The following PLCB1 variants were observed in gnomAD, a reference collection of about 807,000 sequenced individuals.
PLCB1 encodes the protein 1-phosphatidylinositol 4,5-bisphosphate phosphodiesterase beta-1.
PLCB1 carries 46 observed loss-of-function variants against 161.8 expected under a neutral mutation model. The ratio of observed to expected loss-of-function variants is 0.28; its 90% CI spans 0.22 to 0.36. The LOEUF (loss-of-function observed/expected upper bound fraction) is 0.36, where lower values mean the gene tolerates loss of function less well. Among genes scored for constraint, PLCB1 ranks in the 10% least tolerant of loss-of-function variants. The pLI is 1.00. For synonymous variants in PLCB1, 517 were observed against 503.7 expected, an observed-to-expected ratio of 1.03 and a Z score of -0.35; for missense variants, 1,016 against 1,472.5, an observed-to-expected ratio of 0.69 and a Z score of 5.07.
At chr20:8,632,035 CTTTTTTTTTTTTTTTT>C (rs34028351) in intron 4 of PLCB1, among the ~76,000 whole-genome samples, 12 of 45,996 alleles carry the variant, frequency 2.6e-4, no homozygotes, top group East Asian at 1.5e-3. Context: ...GTTTTTTTTG[CTTTTTTTTTTTTTTTT>C]TTTTTTTTTT....
chr20:8,490,474 A>G (rs1023338234), intron 3 of PLCB1, among the ~76,000 whole-genome samples: 2 of 152,212 alleles, frequency 1.3e-5, no homozygotes, highest in Non-Finnish European at 2.9e-5. Flanking sequence ...ATGAACATTC[A>G]TGTATAGTAA....
At chr20:8,838,704 T>G (rs1986384367) in intron 31 of PLCB1, among the ~76,000 whole-genome samples, 1 of 152,014 alleles carries the variant, frequency 6.6e-6, no homozygotes, top group Non-Finnish European at 1.5e-5. Context: ...CATCAAGAAT[T>G]TCAAAGTCGC....
At chr20:8,865,708 G>C (rs563240323) in intron 31 of PLCB1, among the ~76,000 whole-genome samples, 2 of 152,256 alleles carry the variant, frequency 1.3e-5, no homozygotes, top group Admixed American at 6.5e-5. Flanking sequence ...AAATAGTAGA[G>C]ATTCCCCATA....
chr20:8,227,882 T>A (rs549061587), intron 2 of PLCB1, among the ~76,000 whole-genome samples: 1 of 152,196 alleles, frequency 6.6e-6, no homozygotes, highest in South Asian at 2.1e-4. Flanking sequence ...GAAGCAAGAG[T>A]GACTCCCAGA....
intron 2 of PLCB1, among the ~76,000 whole-genome samples, chr20:8,188,611 G>A (rs2051932128): frequency 1.3e-5 from 2 of 152,072 alleles, no homozygotes; most frequent in African/African-American, 4.8e-5. Context: ...CTTAAGAGTG[G>A]CCATCAATTT....
intron 4 of PLCB1, among the ~76,000 whole-genome samples, chr20:8,632,513 G>A (rs1231191591): frequency 6.6e-6 from 1 of 152,130 alleles, no homozygotes; most frequent in Non-Finnish European, 1.5e-5. Flanking sequence ...AAAGAAGTCA[G>A]CCACGCAGTG....
At chr20:8,791,505 T>C (rs1983756938) in intron 31 of PLCB1, among the ~76,000 whole-genome samples, 1 of 152,220 alleles carries the variant, frequency 6.6e-6, no homozygotes, top group Non-Finnish European at 1.5e-5. Flanking sequence ...CATACATTTC[T>C]AATCTATGCT....
At chr20:8,548,409 CCTT>C (rs898162854) in intron 3 of PLCB1, among the ~76,000 whole-genome samples, 6 of 147,948 alleles carry the variant, frequency 4.1e-5, no homozygotes, top group African/African-American at 1.5e-4. Flanking sequence ...CCCTCCCTCC[CCTT>C]CTTTCTTTCC....
chr20:8,204,970 T>C (rs1278041300), intron 2 of PLCB1, among the ~76,000 whole-genome samples: 1 of 152,186 alleles, frequency 6.6e-6, no homozygotes, highest in Admixed American at 6.5e-5. Flanking sequence ...CAGTTAATCT[T>C]ATTCTGCTTT....
At chr20:8,313,520 G>A (rs1437392436) in intron 2 of PLCB1, among the ~76,000 whole-genome samples, 2 of 151,976 alleles carry the variant, frequency 1.3e-5, no homozygotes, top group African/African-American at 2.4e-5. Flanking sequence ...TAAGGTCACT[G>A]TAGGAGGTCA....
chr20:8,453,172 A>G lies in PLCB1; in HGVS notation c.246+81722A>G, dbSNP rs374770102. Among the ~76,000 whole-genome samples, 7 of 152,308 alleles carry G rather than the reference A, an allele frequency of 4.6e-5. No individual in the cohort carries two copies. The East Asian group carries it at 1.4e-3, about 29-fold the overall frequency. On this transcript the variant is annotated intron_variant, in intron 3 of 31. Coordinates refer to ENST00000338037, the MANE Select transcript of PLCB1 (RefSeq NM_015192.4). Reference sequence around the variant, plus strand: ...ATTCCAAAAACTACTCTTTCACTGCACTACTTAGGCAAGAGGCCCCCGGCC... The same window carrying G: ...ATTCCAAAAACTACTCTTTCACTGCGCTACTTAGGCAAGAGGCCCCCGGCC...
intron 3 of PLCB1, among the ~76,000 whole-genome samples, chr20:8,582,988 C>A (rs368972523): frequency 3.6e-3 from 450 of 124,704 alleles, no homozygotes; most frequent in African/African-American, 5.2e-3. Flanking sequence ...GACTCCATCT[C>A]AAAAAAAAAA....
chr20:8,705,566 A>G (rs768211422), intron 11 of PLCB1, among the ~76,000 whole-genome samples: 10 of 152,200 alleles, frequency 6.6e-5, no homozygotes, highest in Non-Finnish European at 1.0e-4. Flanking sequence ...GAGAGACCTG[A>G]ATTATGCTGT....
chr20:8,306,764 A>G (rs2123329611), intron 2 of PLCB1, among the ~76,000 whole-genome samples: 1 of 152,296 alleles, frequency 6.6e-6, no homozygotes, highest in South Asian at 2.1e-4. Context: ...TGAACAGTTT[A>G]AGGAATCTTT....
chr20:8,301,283 A>G (rs2123320313), intron 2 of PLCB1, among the ~76,000 whole-genome samples: 1 of 152,306 alleles, frequency 6.6e-6, no homozygotes, highest in East Asian at 1.9e-4. Flanking sequence ...CAAAGAAAAG[A>G]AGCTGCTTTT....
At chr20:8,871,790 GA>G (rs1262347071) in intron 31 of PLCB1, among the ~76,000 whole-genome samples, 1 of 152,140 alleles carries the variant, frequency 6.6e-6, no homozygotes, top group Non-Finnish European at 1.5e-5. Context: ...CAGGACTTTA[GA>G]TTTTTTTTGC....
intron 3 of PLCB1, among the ~76,000 whole-genome samples, chr20:8,454,409 T>G (rs1981206136): frequency 6.6e-6 from 1 of 152,192 alleles, no homozygotes; most frequent in Non-Finnish European, 1.5e-5. Flanking sequence ...AAGATCAAAC[T>G]GGCTGCTATG....
chr20:8,573,150 G>A (rs977579883), intron 3 of PLCB1, among the ~76,000 whole-genome samples: 1 of 152,096 alleles, frequency 6.6e-6, no homozygotes, highest in Non-Finnish European at 1.5e-5. Flanking sequence ...TTAAAGTAGA[G>A]GGATATGATC....
intron 2 of PLCB1, among the ~76,000 whole-genome samples, chr20:8,296,049 A>G (rs1027438424): frequency 1.3e-5 from 2 of 152,160 alleles, no homozygotes; most frequent in Non-Finnish European, 2.9e-5. Flanking sequence ...GTTCGTCTCA[A>G]CCAAATACTA....
Sources: allele counts gnomAD v4.1 joint callset (sites outside exome capture counted in the v4.1 genomes callset), GRCh38; gene constraint gnomAD v4.1.1; transcripts MANE v1.5; gene names NCBI Gene and HGNC (gene_info 2026-07-23, HGNC 2026-07-21).